Variants in GBE1 observed in about 807,000 individuals in gnomAD.
The protein encoded by GBE1 is 1,4-alpha-glucan-branching enzyme.
Under a neutral mutation model 88.8 loss-of-function variants are expected in GBE1, and 70 were observed. That is an observed-to-expected ratio of 0.79 (90% CI 0.65 to 0.96). GBE1 has a LOEUF of 0.96. Among genes scored for constraint, GBE1 ranks in the 40% least tolerant of loss-of-function variants. The pLI is 0.00. For missense variants in GBE1, 872 were observed against 871.0 expected (o/e 1.00, Z -0.01); for synonymous variants, 284 against 300.1 (o/e 0.95, Z 0.56).
At chr3:81,633,426 A>G (rs1444952286) in intron 7 of GBE1, among the ~76,000 whole-genome samples, 1 of 152,218 alleles carries the variant, frequency 6.6e-6, no homozygotes, top group Non-Finnish European at 1.5e-5. Flanking sequence ...ATTTGAGCCC[A>G]GGCCTATACC....
chr3:81,658,519 A>T (rs1193327899), intron 3 of GBE1, among the ~76,000 whole-genome samples: 1 of 152,150 alleles, frequency 6.6e-6, no homozygotes, highest in Non-Finnish European at 1.5e-5. Flanking sequence ...TCACTTCTGA[A>T]ACCAGGTCCT....
chr3:81,673,601 T>C (rs925094022), intron 2 of GBE1, among the ~76,000 whole-genome samples: 13 of 151,922 alleles, frequency 8.6e-5, no homozygotes, highest in African/African-American at 2.9e-4. Context: ...TTTTTGAAAA[T>C]TGATGAACTA....
chr3:81,713,526 C>T (rs1039352168), intron 1 of GBE1, among the ~76,000 whole-genome samples: 12 of 152,052 alleles, frequency 7.9e-5, no homozygotes, highest in East Asian at 3.9e-4. Flanking sequence ...GCAGTTTGAA[C>T]GATGAATTTT....
intron 2 of GBE1, among the ~76,000 whole-genome samples, chr3:81,698,407 A>G (rs886109671): frequency 1.3e-5 from 2 of 152,176 alleles, no homozygotes; most frequent in Non-Finnish European, 2.9e-5. Flanking sequence ...TACATCTCCA[A>G]TGCAACGTTT....
intron 1 of GBE1, among the ~76,000 whole-genome samples, chr3:81,718,346 C>T (rs1173152119): frequency 6.6e-6 from 1 of 152,114 alleles, no homozygotes; most frequent in East Asian, 1.9e-4. Flanking sequence ...ATAAATATTA[C>T]AAATTGTAAA....
chr3:81,691,492 G>A (rs1436233728), intron 2 of GBE1, among the ~76,000 whole-genome samples: 1 of 152,140 alleles, frequency 6.6e-6, no homozygotes, highest in African/African-American at 2.4e-5. Context: ...AAGTTGGTTG[G>A]ATGCAGTGGC....
intron 9 of GBE1, among the ~76,000 whole-genome samples, chr3:81,589,179 C>T (rs189513998): frequency 1.6e-3 from 243 of 151,966 alleles, no homozygotes; most frequent in Middle Eastern, 6.8e-3. Flanking sequence ...ATCTAAAGAG[C>T]ACTTATAACC....
chr3:81,538,353 A>G (rs1160080754), intron 12 of GBE1, among the ~76,000 whole-genome samples: 2 of 151,962 alleles, frequency 1.3e-5, no homozygotes, highest in Non-Finnish European at 2.9e-5. Context: ...ACTTTTCAGG[A>G]CCACATTCAT....
At chr3:81,559,299 T>C (rs1703389246) in intron 12 of GBE1, among the ~76,000 whole-genome samples, 1 of 151,974 alleles carries the variant, frequency 6.6e-6, no homozygotes, top group African/African-American at 2.4e-5. Context: ...GAAACAATTA[T>C]CATTAAGGTA....
chr3:81,687,980 T>A (rs942614523), intron 2 of GBE1, among the ~76,000 whole-genome samples: 5 of 152,216 alleles, frequency 3.3e-5, no homozygotes, highest in South Asian at 4.1e-4. Flanking sequence ...ATTCTGCTCA[T>A]CACTCACCAG....
At chr3:81,610,492 G>T (rs1175646941) in intron 7 of GBE1, among the ~76,000 whole-genome samples, 2 of 152,052 alleles carry the variant, frequency 1.3e-5, no homozygotes, top group East Asian at 3.8e-4. Context: ...CTATTTGAAG[G>T]TTGATTATCT....
At chr3:81,620,236 G>A (rs1486336153) in intron 7 of GBE1, among the ~76,000 whole-genome samples, 2 of 150,000 alleles carry the variant, frequency 1.3e-5, no homozygotes, top group Non-Finnish European at 3.0e-5. Flanking sequence ...AGGCTAGAGT[G>A]CAGTGGCACG....
chr3:81,549,685 A>G (rs1446611082), intron 12 of GBE1, among the ~76,000 whole-genome samples: 1 of 151,558 alleles, frequency 6.6e-6, no homozygotes, highest in East Asian at 1.9e-4. Context: ...TCAACTTAAA[A>G]AATAAAAGTC....
rs1419084088 is a variant in GBE1, at chr3:81,750,591, A to G, written c.143+10784T>C. 7.3e-4 allele frequency among the ~76,000 whole-genome samples: 38 copies of G among 51,954 alleles called. 2 individuals carry two copies. The highest frequency in any genetic ancestry group is 7.4e-3 in the Middle Eastern group (1 of 136). 34.1% of individuals were successfully genotyped at this position (51,954 alleles called of 152,430 possible). A position where few individuals can be genotyped will look rare whatever the true frequency, so the allele number is the denominator to read the frequency against. ...TATATATATACGTATATATATACGT[A>G]TATATATATGTGTATATATATATAT... On this transcript the variant is annotated intron_variant, in intron 1 of 15. Coordinates refer to ENST00000429644, the MANE Select transcript of GBE1 (RefSeq NM_000158.4).
At chr3:81,613,073 T>C (rs1032246665) in intron 7 of GBE1, 3 of 685,082 alleles carry the variant, frequency 4.4e-6, no homozygotes, top group Non-Finnish European at 4.4e-6. Context: ...AAGGAGAAGA[T>C]GACTAATAGA....
intron 7 of GBE1, among the ~76,000 whole-genome samples, chr3:81,638,662 C>T (rs1704625968): frequency 6.6e-6 from 1 of 152,128 alleles, no homozygotes; most frequent in Admixed American, 6.6e-5. Context: ...AGCTAGAAGG[C>T]AGTTCAGCTG....
intron 12 of GBE1, among the ~76,000 whole-genome samples, chr3:81,546,192 C>T (rs573031721): frequency 4.6e-5 from 7 of 151,900 alleles, no homozygotes; most frequent in African/African-American, 1.7e-4. Context: ...GTAGAAACCA[C>T]TGTACATGCA....
chr3:81,521,720 C>G lies in GBE1; in HGVS notation c.1934+13475G>C, dbSNP rs146731238. Reference sequence around the variant, plus strand: ...GAATTGTCCTGTAATATTCTTTTATCTTTTCTAATAGGTTAGAGGGTCAAA... The same window carrying G: ...GAATTGTCCTGTAATATTCTTTTATGTTTTCTAATAGGTTAGAGGGTCAAA... On this transcript the variant is annotated intron_variant, in intron 14 of 15. Transcript: ENST00000429644. 6.6e-5 allele frequency among the ~76,000 whole-genome samples: 10 copies of G among 151,562 alleles called. No homozygotes were observed. The East Asian group carries it at 1.9e-3, about 29-fold the overall frequency.
At chr3:81,609,561 T>A (rs1357023223) in intron 7 of GBE1, among the ~76,000 whole-genome samples, 5 of 152,192 alleles carry the variant, frequency 3.3e-5, no homozygotes, top group Non-Finnish European at 7.4e-5. Context: ...TTTGGGGGTT[T>A]TTTTTTGGTT....
Sources: allele counts gnomAD v4.1 joint callset (sites outside exome capture counted in the v4.1 genomes callset), GRCh38; gene constraint gnomAD v4.1.1; transcripts MANE v1.5; gene names NCBI Gene and HGNC (gene_info 2026-07-23, HGNC 2026-07-21).